The following ELMOD1 variants were observed in gnomAD, a reference collection of about 807,000 sequenced individuals.
ELMOD1 encodes the protein ELMO domain containing 1, also known as ELMO domain-containing protein 1.
In ELMOD1, 21 loss-of-function variants were observed where a neutral mutation model predicts 46.7. The observed-to-expected ratio is 0.45, with a 90% CI of 0.32 to 0.65. The LOEUF is 0.65. ELMOD1 is among the 30% of genes least tolerant of loss of function. ELMOD1 has a pLI of 0.04. For synonymous variants in ELMOD1, 122 were observed against 138.2 expected (o/e 0.88, Z 0.82); for missense variants, 348 against 407.8 (o/e 0.85, Z 1.26).
chr11:107,622,754 G>A (rs542628983), intron 2 of ELMOD1, among the ~76,000 whole-genome samples: 1 of 152,284 alleles, frequency 6.6e-6, no homozygotes, highest in Admixed American at 6.5e-5. Context: ...CATTGCTTGA[G>A]GCATTGACTG....
chr11:107,662,819 G>T (rs1233349369), intron 11 of ELMOD1, among the ~76,000 whole-genome samples: 1 of 151,858 alleles, frequency 6.6e-6, no homozygotes, highest in African/African-American at 2.4e-5. Flanking sequence ...TTGAACCTGG[G>T]AGGTGGAGGC....
Position 107,656,009 on chromosome 11 carries a change from C to T in ELMOD1, c.775C>T (p.His259Tyr). 1 of 1,575,036 alleles carries T rather than the reference C, an allele frequency of 6.3e-7. No individual in the cohort carries two copies. Among genetic ancestry groups the T allele is most frequent in the Admixed American group, 1.9e-5 (1 of 53,400 alleles). Residue 259 changes from histidine (H) to tyrosine (Y), a missense_variant, in exon 11 of 12, where the codon CAT becomes TAT. Transcript: ENST00000265840. ...ACTGGTCAGCGGAGCTCTAAAAACC[C>T]ATTTCTACAATATCGCCCCAGAAGC... The part of the protein sequence containing the change: ...NLLVSGALKT[H>Y]FYNIAPEAPT...
Position 107,661,754 on chromosome 11 carries a change from A to G in ELMOD1, c.833-3271A>G, listed in dbSNP as rs543561508. Among the ~76,000 whole-genome samples the G allele has an allele frequency of 5.9e-5, 9 of 152,352 alleles. No homozygotes were observed. The South Asian group carries it at 1.9e-3, about 32-fold the overall frequency. ...TCTCAACTTTAGTGACACAAGTTTC[A>G]TCTTATTGAATTGCAAGTCTGGTTA... is the stretch of plus-strand genomic sequence containing the variant. On this transcript the variant is annotated intron_variant, in intron 11 of 11. Coordinates refer to ENST00000265840, the MANE Select transcript of ELMOD1 (RefSeq NM_018712.4).
At chr11:107,608,404 C>T (rs950968141) in intron 1 of ELMOD1, among the ~76,000 whole-genome samples, 18 of 151,738 alleles carry the variant, frequency 1.2e-4, no homozygotes, top group African/African-American at 3.6e-4. Context: ...TGATGTATTA[C>T]GAAGACTTAA....
chr11:107,624,202 ATTTT>A (rs957783138), intron 2 of ELMOD1, among the ~76,000 whole-genome samples: 1 of 152,226 alleles, frequency 6.6e-6, no homozygotes, highest in African/African-American at 2.4e-5. Context: ...CCTTAAAAAT[ATTTT>A]TATTTACCAA....
At chr11:107,661,771 G>A (rs1321027850) in intron 11 of ELMOD1, among the ~76,000 whole-genome samples, 4 of 152,186 alleles carry the variant, frequency 2.6e-5, no homozygotes. Flanking sequence ...TGAATTGCAA[G>A]TCTGGTTAAA....
chr11:107,594,433 T>C lies in ELMOD1; in HGVS notation c.-86+3024T>C, dbSNP rs547759001. ...GATTTTAAATAGTTGCCAATGGGAA[T>C]GGAAGAGAGAGCTGAAAAGGGACAA... is the stretch of plus-strand genomic sequence containing the variant. On this transcript the variant is annotated intron_variant, in intron 1 of 11. Transcript: ENST00000265840. Among the ~76,000 whole-genome samples the C allele has an allele frequency of 2.3e-3, 357 of 152,156 alleles. 8 individuals carry two copies. Among genetic ancestry groups the C allele is most frequent in the Non-Finnish European group, 9.6e-4 (65 of 68,002 alleles).
chr11:107,629,166 T>C (rs544382316), intron 2 of ELMOD1, among the ~76,000 whole-genome samples: 90 of 152,366 alleles, frequency 5.9e-4, no homozygotes, highest in African/African-American at 1.7e-3. Flanking sequence ...TTCGAGTTTT[T>C]ATTTTTAACA....
At chr11:107,652,654 G>T (rs891364637) in intron 9 of ELMOD1, among the ~76,000 whole-genome samples, 1 of 152,124 alleles carries the variant, frequency 6.6e-6, no homozygotes, top group African/African-American at 2.4e-5. Context: ...GTTTGGATAT[G>T]AATCTTTAAG....
chr11:107,612,752 C>G (rs989792159), intron 1 of ELMOD1, among the ~76,000 whole-genome samples: 1 of 152,160 alleles, frequency 6.6e-6, no homozygotes, highest in African/African-American at 2.4e-5. Context: ...ACAAGTGGGT[C>G]TCCTTTAAAA....
chr11:107,594,740 G>C (rs1865463356), intron 1 of ELMOD1, among the ~76,000 whole-genome samples: 2 of 152,144 alleles, frequency 1.3e-5, no homozygotes, highest in Admixed American at 1.3e-4. Flanking sequence ...CAGATGTCTT[G>C]GTTTTAGCAA....
intron 5 of ELMOD1, 55 bp downstream of exon 5, chr11:107,631,732 G>A (rs1866144848): frequency 1.1e-6 from 1 of 946,356 alleles, no homozygotes; most frequent in Admixed American, 2.9e-5. Context: ...ATGGCCACAG[G>A]TTTAGTGTTT....
chr11:107,615,253 T>TTG (rs1174020218), intron 1 of ELMOD1, among the ~76,000 whole-genome samples: 3 of 145,032 alleles, frequency 2.1e-5, no homozygotes, highest in Non-Finnish European at 4.5e-5. Context: ...TTTTTTTTTT[T>TTG]TGAGACGTAG....
intron 10 of ELMOD1, among the ~76,000 whole-genome samples, chr11:107,654,497 C>T (rs1228550698): frequency 6.6e-6 from 1 of 151,980 alleles, no homozygotes; most frequent in Non-Finnish European, 1.5e-5. Flanking sequence ...GGGCCGGGCG[C>T]GGTGGCTCAC....
At chr11:107,607,688 A>T (rs1263529451) in intron 1 of ELMOD1, among the ~76,000 whole-genome samples, 1 of 151,746 alleles carries the variant, frequency 6.6e-6, no homozygotes, top group Non-Finnish European at 1.5e-5. Flanking sequence ...AACAAACAAG[A>T]TATAGGACAA....
chr11:107,654,903 AG>A (rs1314002380), intron 10 of ELMOD1, among the ~76,000 whole-genome samples: 1 of 152,126 alleles, frequency 6.6e-6, no homozygotes, highest in Non-Finnish European at 1.5e-5. Context: ...TTCTGAATAG[AG>A]AATTTTTTTT....
At chr11:107,644,571 T>C (rs1177636127) in intron 6 of ELMOD1, among the ~76,000 whole-genome samples, 2 of 151,728 alleles carry the variant, frequency 1.3e-5, no homozygotes, top group African/African-American at 4.8e-5. Flanking sequence ...GCCTCCCGGG[T>C]TCACGCCATT....
chr11:107,655,369 T>C (rs1275924482), intron 10 of ELMOD1, among the ~76,000 whole-genome samples: 1 of 152,170 alleles, frequency 6.6e-6, no homozygotes, highest in Non-Finnish European at 1.5e-5. Context: ...TAAAGCTTTG[T>C]CCACTTCGGA....
intron 2 of ELMOD1, among the ~76,000 whole-genome samples, chr11:107,622,404 C>T (rs538754355): frequency 6.6e-6 from 1 of 152,312 alleles, no homozygotes. Context: ...CAGCATGAAG[C>T]AGCCCAGAGC....
Sources: allele counts gnomAD v4.1 joint callset (sites outside exome capture counted in the v4.1 genomes callset), GRCh38; gene constraint gnomAD v4.1.1; transcripts MANE v1.5; gene names NCBI Gene and HGNC (gene_info 2026-07-23, HGNC 2026-07-21).